Variants in SGSH observed in about 807,000 individuals in gnomAD.
SGSH encodes heparan sulfate sulfatase.
Under a neutral mutation model 51.0 loss-of-function variants are expected in SGSH, and 48 were observed. The observed-to-expected ratio is 0.94, with a 90% CI of 0.75 to 1.20. SGSH has a LOEUF of 1.20. SGSH is among the 50% of genes most tolerant of loss of function. The pLI, the probability that SGSH is intolerant of heterozygous loss-of-function variation, is 0.00. For missense variants in SGSH, 662 were observed against 717.8 expected, an observed-to-expected ratio of 0.92 and a Z score of 0.89; for synonymous variants, 321 against 313.4, an observed-to-expected ratio of 1.02 and a Z score of -0.26.
chr17:80,213,727 G>A lies in SGSH; in HGVS notation c.745+77C>T. 7.9e-7 allele frequency: 1 copy of A among 1,261,646 alleles called. No individual in the cohort carries two copies. 78.2% of individuals were successfully genotyped at this position (1,261,646 alleles called of 1,614,324 possible). ...GGGACCCTCACCCACATTATGCCGT[G>A]ACCTAAGAGGGCGCTGGCCCAGGAT... On this transcript the variant is annotated intron_variant, in intron 6 of 7. Transcript: ENST00000326317. This position sits in a 1 kb window ranked among gnomAD's most constrained non-coding sequence, Gnocchi z 4.6.
chr17:80,208,211 G>T, downstream of SGSH: 1 of 1,558,114 alleles, frequency 6.4e-7, no homozygotes, highest in Non-Finnish European at 8.7e-7. Flanking sequence ...GGGAGACCTG[G>T]ACCGGGCGCC....
rs143223388 is a variant in SGSH, at chr17:80,210,980, C to G, written c.981G>C (p.Ser327=). The part of the protein sequence containing the change: ...DLTPTILDWF[S]IPYPSYAIFG... ...AGATGGCGTAGCTGGGGTACGGGAT[C>G]GAGAACCAATCCAAGATGGTGGGCG... is the stretch of plus-strand genomic sequence containing the variant. Residue 327 remains serine, a synonymous_variant, in exon 8 of 8, where the codon TCG becomes TCC. Transcript: ENST00000326317. 1.9e-6 allele frequency: 3 copies of G among 1,599,266 alleles called. No individual in the cohort carries two copies. Among genetic ancestry groups the G allele is most frequent in the African/African-American group, 2.7e-5 (2 of 74,902 alleles).
intron 1 of SGSH, among the ~76,000 whole-genome samples, chr17:80,217,671 AG>A (rs981466162): frequency 4.1e-5 from 6 of 148,126 alleles, no homozygotes; most frequent in Non-Finnish European, 7.4e-5. Context: ...CATGGTATGG[AG>A]GCTGGACTGA....
chr17:80,205,582 TC>T, downstream of SGSH: 2 of 1,576,216 alleles, frequency 1.3e-6, no homozygotes, highest in Non-Finnish European at 1.7e-6. Flanking sequence ...GGGGACATCA[TC>T]CAGGAGGGAG....
rs778580350 is a variant in SGSH at position 80,213,787 on chromosome 17, C to G, written c.745+17G>C. ...CGGCCGTGGCACCCCCTCCAGTGCC[C>G]GGTTCTGCAAGCCCACCTTGGTCCA... On this transcript the variant is annotated intron_variant, in intron 6 of 7. Coordinates refer to ENST00000326317, the MANE Select transcript of SGSH (RefSeq NM_000199.5). This position sits in a 1 kb window ranked among gnomAD's most constrained non-coding sequence, Gnocchi z 4.6. The G allele has an allele frequency of 6.3e-7, 1 of 1,589,956 alleles. No individual in the cohort carries two copies. Among genetic ancestry groups the G allele is most frequent in the South Asian group, 1.1e-5 (1 of 87,812 alleles).
downstream of SGSH, among the ~76,000 whole-genome samples, chr17:80,207,924 T>C (rs2041429908): frequency 6.6e-6 from 1 of 152,002 alleles, no homozygotes; most frequent in Non-Finnish European, 1.5e-5. Context: ...GATGTCCTGC[T>C]ACTGTGCCCT....
chr17:80,205,793 A>G (rs2041267784), downstream of SGSH: 3 of 827,036 alleles, frequency 3.6e-6, no homozygotes, highest in Admixed American at 3.2e-5. Flanking sequence ...CCAACAGCCC[A>G]GCAGGAGCCC....
rs1352657640 is a variant in SGSH, at chr17:80,210,746, T to C, written c.1215A>G (p.Ser405=). ...GGTTCAGGAGGTCCTGGAAGGTGGG[T>C]GAGACGTAGAAGTCCTGGTCGATGG... ...PFPIDQDFYV[S]PTFQDLLNRT... The change falls in exon 8 of 8, where the codon TCA becomes TCG. Residue 405 remains serine (S), a synonymous_variant. Coordinates refer to ENST00000326317, the MANE Select transcript of SGSH (RefSeq NM_000199.5). 6.2e-7 allele frequency: 1 copy of C among 1,613,882 alleles called. No homozygotes were observed.
intron 1 of SGSH, among the ~76,000 whole-genome samples, chr17:80,219,161 CAAAAAAAAA>C (rs11430982): frequency 1.8e-5 from 1 of 54,260 alleles, no homozygotes; most frequent in Non-Finnish European, 3.2e-5. Flanking sequence ...CCCTGTCTCA[CAAAAAAAAA>C]AAAAAAAAAA....
chr17:80,204,782 A>C, downstream of SGSH: 1 of 478,170 alleles, frequency 2.1e-6, no homozygotes, highest in Non-Finnish European at 3.7e-6. Flanking sequence ...CCTATAGGAA[A>C]CAGGATTAAG....
chr17:80,209,597 A>G lies in SGSH; in HGVS notation c.*855T>C, dbSNP rs1046832. The G allele has an allele frequency of 0.56, 541,360 of 961,614 alleles. 157,694 individuals are homozygous for G. The highest frequency in any genetic ancestry group is 0.59 in the Non-Finnish European group (476,572 of 812,646). The allele number at this position is 961,614 out of a possible 1,614,324, so 59.6% of individuals were successfully genotyped here. A position where few individuals can be genotyped will look rare whatever the true frequency, so the allele number is the denominator to read the frequency against. ...CAACGCCAGTGTCACCGAAGAATTA[A>G]CCCAAGGCAGAGGATGGGCATTGCC... On this transcript the variant is annotated 3_prime_UTR_variant, in exon 8 of 8. Coordinates refer to ENST00000326317, the MANE Select transcript of SGSH (RefSeq NM_000199.5).
At position 80,213,493 on chromosome 17, in the gene SGSH, T is replaced by C. The variant is rs1480488808; in HGVS notation, c.745+311A>G. The stretch of plus-strand genomic sequence containing the variant: ...ACAGACCTCAAGATCTCCATCTGCA[T>C]ATGCTAAGGAACTCCAAACCCCCAA... On this transcript the variant is annotated intron_variant, in intron 6 of 7. Coordinates refer to ENST00000326317, the MANE Select transcript of SGSH (RefSeq NM_000199.5). This position sits in a 1 kb window ranked among gnomAD's most constrained non-coding sequence, Gnocchi z 4.6. The C allele has an allele frequency of 4.2e-6, 2 of 476,710 alleles. No homozygotes were observed. The highest frequency in any genetic ancestry group is 7.6e-6 in the Non-Finnish European group (2 of 264,166). The allele number at this position is 476,710 out of a possible 1,614,324, so 29.5% of individuals were successfully genotyped here. A position where few individuals can be genotyped will look rare whatever the true frequency, so the allele number is the denominator to read the frequency against.
chr17:80,220,159 G>T, intron 1 of SGSH, 67 bp downstream of exon 1: 1 of 1,194,374 alleles, frequency 8.4e-7, no homozygotes, highest in Non-Finnish European at 1.2e-6. Flanking sequence ...CACGGGTGGG[G>T]AGGAGGCCAG....
downstream of SGSH, chr17:80,203,965 ACT>A: frequency 8.3e-7 from 1 of 1,203,136 alleles, no homozygotes. This position sits in a 1 kb window ranked among gnomAD's most constrained non-coding sequence, Gnocchi z 4.6. Context: ...GGCAGGAGGC[ACT>A]GTGTGGAGAG....
chr17:80,202,397 C>A (rs758642695), downstream of SGSH: 1 of 1,612,746 alleles, frequency 6.2e-7, no homozygotes, highest in South Asian at 1.1e-5. Context: ...CTGCCGCGCA[C>A]GGCACCATCC....
rs778945852 is a variant in SGSH, at chr17:80,212,034, C to G, written c.949+37G>C. The G allele has an allele frequency of 6.3e-7, 1 of 1,581,258 alleles. No individual in the cohort carries two copies. Among genetic ancestry groups the G allele is most frequent in the South Asian group, 1.1e-5 (1 of 90,328 alleles). On this transcript the variant is annotated intron_variant, in intron 7 of 7. Transcript: ENST00000326317. The surrounding 1 kb of genome is among the most constrained non-coding windows in gnomAD (Gnocchi z 5.9). ...GTCATGGCCCCGTCCCAGATCCACTCCCACACCTTTCCTGACGGAGACAGA... is the reference window on the plus strand; with the variant it reads ...GTCATGGCCCCGTCCCAGATCCACTGCCACACCTTTCCTGACGGAGACAGA...
At chr17:80,208,634 T>A, downstream of SGSH, 1 of 351,738 alleles carries the variant, frequency 2.8e-6, no homozygotes, top group South Asian at 8.7e-5. Context: ...AGGAGGGACG[T>A]CTTCCCATGC....
chr17:80,207,209 G>A (rs939800100), downstream of SGSH: 27 of 627,042 alleles, frequency 4.3e-5, no homozygotes, highest in Non-Finnish European at 6.3e-5. Flanking sequence ...TGACAGGGCC[G>A]TTTCCGCACA....
chr17:80,201,166 G>A, the SGSH span: 1 of 154,858 alleles, frequency 6.5e-6, no homozygotes, highest in Admixed American at 6.3e-5. This position sits in a 1 kb window ranked among gnomAD's most constrained non-coding sequence, Gnocchi z 5.0. Flanking sequence ...TTCTAATGGT[G>A]TTAAAACACA....
Sources: gnomAD v4.1 joint callset for allele counts (sites outside exome capture counted in the v4.1 genomes callset) on GRCh38, gnomAD v4.1.1 for gene constraint, Gnocchi (gnomAD v3.1) non-coding constraint, MANE v1.5 for transcripts, NCBI Gene and HGNC (gene_info 2026-07-23, HGNC 2026-07-21) for gene names.